The following ZFP62 variants were observed in gnomAD, a reference collection of about 807,000 sequenced individuals.
The protein encoded by ZFP62 is ZFP62 zinc finger protein.
A neutral mutation model predicts 56.4 loss-of-function variants in ZFP62; 44 were observed. The observed-to-expected ratio is 0.78, with a 90% CI of 0.61 to 1.00. The LOEUF (loss-of-function observed/expected upper bound fraction) is 1.00, where lower values mean the gene tolerates loss of function less well. Among genes scored for constraint, ZFP62 ranks in the 50% least tolerant of loss-of-function variants. The pLI is 0.00. For synonymous variants in ZFP62, 421 were observed against 388.9 expected, an observed-to-expected ratio of 1.08 and a Z score of -0.97; for missense variants, 1,030 against 1,085.7, an observed-to-expected ratio of 0.95 and a Z score of 0.72.
chr5:180,849,788 T>C lies in ZFP62; in HGVS notation c.1707A>G (p.Ala569=), dbSNP rs1000015. ...RPYKCEECGK[A]YISLSSLINH... ...TTATAAGGCTCGAGAGAGAGATGTA[T>C]GCTTTCCCACATTCTTCACATTTGT... Residue 569 remains alanine, a synonymous_variant, in exon 2 of 2, where the codon GCA becomes GCG. Transcript: ENST00000502412. 3.6e-3 allele frequency: 5,536 copies of C among 1,551,676 alleles called. 162 individuals are homozygous for C. The African/African-American group carries it at 0.067, about 19-fold the overall frequency.
chr5:180,831,539 G>T, the ZFP62 span: 3 of 152,320 alleles, frequency 2.0e-5, no homozygotes, highest in Admixed American at 6.5e-5. Context: ...AGGCCGCGGT[G>T]TTCTTGTAAA....
intron 1 of ZFP62, among the ~76,000 whole-genome samples, chr5:180,852,478 T>A (rs1179971137): frequency 6.8e-6 from 1 of 147,612 alleles, no homozygotes; most frequent in Non-Finnish European, 1.5e-5. Context: ...CACTTGAACC[T>A]GGGAGGCAGA....
At chr5:180,854,044 C>T (rs1318796706) in intron 1 of ZFP62, among the ~76,000 whole-genome samples, 1 of 152,162 alleles carries the variant, frequency 6.6e-6, no homozygotes, top group Non-Finnish European at 1.5e-5. Flanking sequence ...TTTCCTAGTT[C>T]TGTTTGCTGA....
At chr5:180,853,697 C>T (rs991321658) in intron 1 of ZFP62, among the ~76,000 whole-genome samples, 7 of 152,256 alleles carry the variant, frequency 4.6e-5, no homozygotes, top group Middle Eastern at 3.4e-3. Flanking sequence ...TATTTGACTA[C>T]GTAAGTACAT....
At chr5:180,842,487 A>C in the ZFP62 span, among the ~76,000 whole-genome samples, 141 of 151,874 alleles carry the variant, frequency 9.3e-4, no homozygotes, top group African/African-American at 3.3e-3. Flanking sequence ...TATTTTAAAA[A>C]GAATACATTA....
chr5:180,857,204 C>T (rs2113713606), intron 1 of ZFP62, among the ~76,000 whole-genome samples: 1 of 152,230 alleles, frequency 6.6e-6, no homozygotes, highest in East Asian at 1.9e-4. Context: ...GAGTAGCAAA[C>T]TTGGATATGC....
downstream of ZFP62, chr5:180,845,715 T>G: frequency 4.1e-6 from 4 of 985,432 alleles, no homozygotes; most frequent in Non-Finnish European, 2.4e-6. Context: ...CTCAAGGTCT[T>G]GATGCAGACA....
At chr5:180,830,438 G>A in the ZFP62 span, 1 of 152,402 alleles carries the variant, frequency 6.6e-6, no homozygotes. Flanking sequence ...GGCACAAGAG[G>A]GGAGTAGGTA....
chr5:180,851,094 G>C lies in ZFP62; in HGVS notation c.401C>G (p.Thr134Ser), dbSNP rs892605100. The change falls in exon 2 of 2, where the codon ACC becomes AGC. Residue 134 changes from threonine (T) to serine (S), a missense_variant. Coordinates refer to ENST00000502412, the MANE Select transcript of ZFP62 (RefSeq NM_001172638.2). ...TTTATGTAATTTCTTAACAGCATTG[G>C]TTTTCTGCTGTAGACTAGGGTAGGA... ...GTSYPSLQQK[T>S]NAVKKLHKCD... 1.9e-6 allele frequency: 3 copies of C among 1,551,686 alleles called. No individual in the cohort carries two copies. In the South Asian group the frequency reaches 3.6e-5, roughly 18 times the overall value.
intron 1 of ZFP62, among the ~76,000 whole-genome samples, chr5:180,855,304 G>A (rs1029119980): frequency 2.6e-5 from 4 of 152,128 alleles, no homozygotes; most frequent in African/African-American, 9.7e-5. Flanking sequence ...AAGCAAATTT[G>A]TTTCCTCTTC....
downstream of ZFP62, chr5:180,845,965 C>A (rs1398790250): frequency 1.9e-6 from 1 of 525,478 alleles, no homozygotes; most frequent in Non-Finnish European, 2.4e-6. Context: ...ATTCCATACT[C>A]ACTGTTTTTT....
At chr5:180,859,354 T>A (rs1774181010) in intron 1 of ZFP62, among the ~76,000 whole-genome samples, 1 of 152,056 alleles carries the variant, frequency 6.6e-6, no homozygotes. Flanking sequence ...AAAGAGTACC[T>A]AGGAGGGGCA....
In ZFP62 at chr5:180,850,038, T is replaced by C. The variant is rs1366311885; in HGVS notation, c.1457A>G (p.Tyr486Cys). ...ATTTTTAAGGCTAGAGCGTGAGATA[T>C]AGGCTTTCCCACACACATCACACTT... ...PYKCDVCGKAYISRSSLKNHK... is the reference protein window; with the variant it reads ...PYKCDVCGKACISRSSLKNHK... Residue 486 changes from tyrosine to cysteine, a missense_variant, in exon 2 of 2, where the codon TAT (tyrosine) becomes TGT (cysteine). Physicochemically the swap from Tyr to Cys is radical, Grantham distance 194. Transcript: ENST00000502412. 5.2e-6 allele frequency: 8 copies of C among 1,551,666 alleles called. No homozygotes were observed. The highest frequency in any genetic ancestry group is 2.4e-5 in the South Asian group (2 of 84,070).
chr5:180,842,964 A>G (rs1323300462), downstream of ZFP62, among the ~76,000 whole-genome samples: 1 of 151,694 alleles, frequency 6.6e-6, no homozygotes, highest in Non-Finnish European at 1.5e-5. Context: ...AATTGCTTGA[A>G]TCTGGGAGGT....
chr5:180,851,591 T>C, intron 1 of ZFP62, 98 bp from the exon 2 acceptor site: 1 of 1,308,868 alleles, frequency 7.6e-7, no homozygotes, highest in Non-Finnish European at 1.0e-6. Context: ...GACAAACATT[T>C]ACTGACAACA....
At chr5:180,852,976 T>C (rs1311609962) in intron 1 of ZFP62, among the ~76,000 whole-genome samples, 1 of 152,228 alleles carries the variant, frequency 6.6e-6, no homozygotes, top group Non-Finnish European at 1.5e-5. Flanking sequence ...GGCACTCTCA[T>C]ACACTGCTGG....
chr5:180,859,105 G>T (rs2127377), intron 1 of ZFP62, among the ~76,000 whole-genome samples: 4 of 151,554 alleles, frequency 2.6e-5, no homozygotes, highest in Admixed American at 2.6e-4. Flanking sequence ...GAGACAACTC[G>T]TTAGAGAGGA....
rs750956223 is a variant in ZFP62, at chr5:180,851,414, C to T, written c.81G>A (p.Trp27Ter). 6.4e-7 allele frequency: 1 copy of T among 1,551,614 alleles called. No individual in the cohort carries two copies. Among genetic ancestry groups the T allele is most frequent in the Non-Finnish European group, 8.7e-7 (1 of 1,146,968 alleles). Reference protein sequence around the residue: ...YENVGNAASKWPKVEDPMPES... With the variant: ...YENVGNAASK ...CAGGCATAGGATCCTCCACTTTTGG[C>T]CACTTAGATGCTGCATTTCCAACAT... The change falls in exon 2 of 2, where the codon TGG (tryptophan) becomes TGA (stop). Residue 27 changes from tryptophan (W) to a stop codon, truncating the protein, a stop_gained. Transcript: ENST00000502412. LOFTEE classifies it high-confidence loss of function.
At chr5:180,860,352 A>AT (rs1274739240) in intron 1 of ZFP62, among the ~76,000 whole-genome samples, 21 of 152,072 alleles carry the variant, frequency 1.4e-4, no homozygotes, top group South Asian at 2.1e-4. Context: ...TCATATTATT[A>AT]TTTTTTTTAA....
Sources: gnomAD v4.1 joint callset for allele counts (sites outside exome capture counted in the v4.1 genomes callset) on GRCh38, gnomAD v4.1.1 for gene constraint, MANE v1.5 for transcripts, NCBI Gene and HGNC (gene_info 2026-07-23, HGNC 2026-07-21) for gene names.